The following CASD1 variants were observed in gnomAD, a reference collection of about 807,000 sequenced individuals.
The protein encoded by CASD1 is N-acetylneuraminate (7)9-O-acetyltransferase.
CASD1 carries 41 observed loss-of-function variants against 100.0 expected under a neutral mutation model. The observed-to-expected ratio is 0.41, with a 90% CI of 0.32 to 0.53. The LOEUF (loss-of-function observed/expected upper bound fraction) is 0.53. Ranked by LOEUF, CASD1 falls within the 20% of genes least tolerant of loss-of-function variation. The pLI is 0.25. For missense variants in CASD1, 774 were observed against 948.7 expected (o/e 0.82, Z 2.42); for synonymous variants, 321 against 315.6 (o/e 1.02, Z -0.18).
the CASD1 span, among the ~76,000 whole-genome samples, chr7:94,596,529 A>C: frequency 6.6e-6 from 1 of 152,244 alleles, no homozygotes; most frequent in Admixed American, 6.5e-5. Flanking sequence ...ACCTATTCTG[A>C]CCTTTTCCTA....
At chr7:94,625,360 CTTTTT>C in the CASD1 span, 7 of 151,704 alleles carry the variant, frequency 4.6e-5, no homozygotes, top group East Asian at 1.2e-3. Context: ...GGTAAACTTT[CTTTTT>C]TTTATCTTTT....
the CASD1 span, among the ~76,000 whole-genome samples, chr7:94,614,129 A>AAC: frequency 6.6e-6 from 1 of 151,294 alleles, no homozygotes; most frequent in Admixed American, 6.6e-5. Flanking sequence ...AAAAAAAAAA[A>AAC]ACACAGTAAA....
At chr7:94,546,535 G>C (rs181965369) in intron 12 of CASD1, among the ~76,000 whole-genome samples, 75 of 151,950 alleles carry the variant, frequency 4.9e-4, no homozygotes, top group East Asian at 3.9e-4. Context: ...AAGTCCAGTA[G>C]TGTCTTTGGA....
chr7:94,525,031 C>T (rs1353503697), intron 3 of CASD1, among the ~76,000 whole-genome samples: 2 of 152,004 alleles, frequency 1.3e-5, no homozygotes, highest in Non-Finnish European at 2.9e-5. Flanking sequence ...TGGGTATGTG[C>T]TTAAAGAGAT....
chr7:94,558,844 G>A (rs575522642), downstream of CASD1, among the ~76,000 whole-genome samples: 6 of 152,150 alleles, frequency 3.9e-5, no homozygotes, highest in South Asian at 1.2e-3. Context: ...CTGTCACCTA[G>A]GCTGGAGTGC....
At chr7:94,552,616 T>C (rs1027894180) in intron 16 of CASD1, among the ~76,000 whole-genome samples, 189 bp downstream of exon 16, 13 of 152,264 alleles carry the variant, frequency 8.5e-5, no homozygotes, top group South Asian at 6.2e-4. Context: ...ATTTAATATA[T>C]GGAAATGATG....
At chr7:94,510,302 A>ACGCCCACGCGGCC (rs1793627989) in intron 1 of CASD1, 85 bp downstream of exon 1, 1 of 1,027,084 alleles carries the variant, frequency 9.7e-7, no homozygotes, top group African/African-American at 1.7e-5. Flanking sequence ...CGCCCAACAC[A>ACGCCCACGCGGCC]CGCCCACGCG....
At chr7:94,515,920 T>C (rs1562931309) in intron 1 of CASD1, among the ~76,000 whole-genome samples, 3 of 152,154 alleles carry the variant, frequency 2.0e-5, no homozygotes, top group African/African-American at 7.2e-5. Flanking sequence ...AAACATTTGC[T>C]AGGTTTTAAT....
chr7:94,613,215 A>T, the CASD1 span, among the ~76,000 whole-genome samples: 2 of 152,232 alleles, frequency 1.3e-5, no homozygotes, highest in African/African-American at 4.8e-5. Context: ...CTTCTTTTGT[A>T]GAATCACTAA....
chr7:94,603,545 T>C, the CASD1 span: 7 of 1,215,260 alleles, frequency 5.8e-6, no homozygotes, highest in Non-Finnish European at 8.4e-6. Flanking sequence ...GCCTTTTGAA[T>C]TGAGAGATTA....
chr7:94,588,356 C>T, the CASD1 span: 3 of 1,125,360 alleles, frequency 2.7e-6, no homozygotes, highest in Non-Finnish European at 3.3e-6. Flanking sequence ...TGAGACAAAT[C>T]CTGGATGCAT....
At chr7:94,553,155 AT>A in intron 16 of CASD1, 1 of 481,446 alleles carries the variant, frequency 2.1e-6, no homozygotes, top group Non-Finnish European at 4.1e-6. Flanking sequence ...ACCACTCTGT[AT>A]ATCACTTATA....
chr7:94,510,323 G>C (rs1584363975), intron 1 of CASD1, 106 bp downstream of exon 1: 1 of 880,624 alleles, frequency 1.1e-6, no homozygotes, highest in Middle Eastern at 4.0e-4. Flanking sequence ...GCCTTCCGCC[G>C]GCCCGGCCCG....
chr7:94,551,166 A>G (rs1648020654), intron 14 of CASD1, among the ~76,000 whole-genome samples, 172 bp from the exon 15 acceptor site: 1 of 152,166 alleles, frequency 6.6e-6, no homozygotes, highest in African/African-American at 2.4e-5. Context: ...TCTAACAATC[A>G]TCGGCTTTAT....
chr7:94,607,056 T>C, the CASD1 span, among the ~76,000 whole-genome samples: 3 of 150,162 alleles, frequency 2.0e-5, no homozygotes, highest in East Asian at 5.8e-4. Context: ...CTCAGGAAAC[T>C]AGAAAAAGAA....
chr7:94,573,389 T>G, the CASD1 span, among the ~76,000 whole-genome samples: 1 of 152,162 alleles, frequency 6.6e-6, no homozygotes, highest in Non-Finnish European at 1.5e-5. Context: ...TGTTTGTGTC[T>G]TCTCTGATTT....
chr7:94,535,165 C>A, intron 7 of CASD1, 144 bp from the exon 8 acceptor site: 1 of 600,122 alleles, frequency 1.7e-6, no homozygotes, highest in Non-Finnish European at 2.9e-6. Context: ...GGAAGCTTTG[C>A]GTAAAAATGA....
chr7:94,523,003 C>T (rs920094401), intron 3 of CASD1, among the ~76,000 whole-genome samples: 2 of 152,146 alleles, frequency 1.3e-5, no homozygotes, highest in Non-Finnish European at 2.9e-5. Flanking sequence ...AAGCAAGTTC[C>T]AACAATATCA....
At chr7:94,579,340 A>G in the CASD1 span, among the ~76,000 whole-genome samples, 1 of 152,132 alleles carries the variant, frequency 6.6e-6, no homozygotes, top group East Asian at 1.9e-4. Flanking sequence ...AAATTAAGGT[A>G]ATAAGAATCT....
Sources: gnomAD v4.1 joint callset for allele counts (sites outside exome capture counted in the v4.1 genomes callset) on GRCh38, gnomAD v4.1.1 for gene constraint, MANE v1.5 for transcripts, NCBI Gene and HGNC (gene_info 2026-07-23, HGNC 2026-07-21) for gene names.